The following KCNN3 variants were observed in gnomAD, a reference collection of about 807,000 sequenced individuals.
KCNN3 encodes small conductance calcium-activated potassium channel protein 3.
Under a neutral mutation model 62.9 loss-of-function variants are expected in KCNN3, and 16 were observed. The observed-to-expected ratio is 0.25, with a 90% CI of 0.17 to 0.39. The LOEUF (loss-of-function observed/expected upper bound fraction) is 0.39, where lower values mean the gene tolerates loss of function less well. KCNN3 is among the 10% of genes least tolerant of loss of function. The pLI, the probability that KCNN3 is intolerant of heterozygous loss-of-function variation, is 1.00. For missense variants in KCNN3, 599 were observed against 949.4 expected, an observed-to-expected ratio of 0.63 and a Z score of 4.85; for synonymous variants, 370 against 389.2, an observed-to-expected ratio of 0.95 and a Z score of 0.58.
chr1:154,843,716 C>T (rs1201187795), intron 1 of KCNN3, among the ~76,000 whole-genome samples: 1 of 152,206 alleles, frequency 6.6e-6, no homozygotes, highest in Non-Finnish European at 1.5e-5. Context: ...GGGGAGTTCT[C>T]TCCCGGAGAC....
Position 154,816,821 on chromosome 1 carries a change from T to C in KCNN3, c.1029+5268A>G, listed in dbSNP as rs80353249. ...AAATCTGATCATCTCTGTCCCCAGC[T>C]TGAAACCTTCTCATAGTTTCTGCTG... is the stretch of plus-strand genomic sequence containing the variant. On this transcript the variant is annotated intron_variant, in intron 2 of 7. Coordinates refer to ENST00000271915, the MANE Select transcript of KCNN3 (RefSeq NM_002249.6). Among the ~76,000 whole-genome samples the C allele has an allele frequency of 2.6e-5, 4 of 152,350 alleles. No individual in the cohort carries two copies. The East Asian group carries it at 7.7e-4, about 29-fold the overall frequency.
intron 3 of KCNN3, among the ~76,000 whole-genome samples, chr1:154,752,916 C>T (rs748934746): frequency 3.9e-5 from 6 of 152,164 alleles, no homozygotes; most frequent in South Asian, 2.1e-4. Context: ...GACTAGGCTC[C>T]GAGCACCCGG....
At chr1:154,859,842 T>C (rs1652692269) in intron 1 of KCNN3, 3 of 1,604,814 alleles carry the variant, frequency 1.9e-6, no homozygotes, top group African/African-American at 2.7e-5. Context: ...CTGACTTTCC[T>C]GTTAATTTGA....
intron 2 of KCNN3, among the ~76,000 whole-genome samples, chr1:154,795,852 G>A (rs891947416): frequency 6.6e-6 from 1 of 152,218 alleles, no homozygotes; most frequent in Non-Finnish European, 1.5e-5. Flanking sequence ...AGGTTGACTG[G>A]CACAGTGTTC....
chr1:154,840,325 C>T (rs1442100551), intron 1 of KCNN3, among the ~76,000 whole-genome samples: 3 of 152,094 alleles, frequency 2.0e-5, no homozygotes, highest in African/African-American at 4.8e-5. Flanking sequence ...AAATAGAAAT[C>T]AAAGCATTTG....
At chr1:154,826,759 T>C (rs1323504820) in intron 1 of KCNN3, among the ~76,000 whole-genome samples, 5 of 152,242 alleles carry the variant, frequency 3.3e-5, no homozygotes, top group Admixed American at 2.0e-4. Context: ...AGGCCAGAAC[T>C]GTAATGATTA....
rs1648610671 is a variant in KCNN3, at chr1:154,772,599, T to C, written c.1030-206A>G. Among the ~76,000 whole-genome samples the C allele has an allele frequency of 6.6e-6, 1 of 152,238 alleles. No homozygotes were observed. The highest frequency in any genetic ancestry group is 1.5e-5 in the Non-Finnish European group (1 of 68,034). On this transcript the variant is annotated intron_variant, in intron 2 of 7. Coordinates refer to ENST00000271915, the MANE Select transcript of KCNN3 (RefSeq NM_002249.6). The surrounding 1 kb of genome is among the most constrained non-coding windows in gnomAD (Gnocchi z 5.6). ...TGGATTCAGTCTACCTGGGAAGCCC[T>C]GGCTAAGACACTTTGACTCTCTTGG...
At chr1:154,726,087 G>T in intron 4 of KCNN3, 61 bp from the exon 5 acceptor site, 1 of 1,298,364 alleles carries the variant, frequency 7.7e-7, no homozygotes, top group Non-Finnish European at 1.1e-6. Flanking sequence ...GGCAAGATGA[G>T]AGACTCAACA....
chr1:154,828,125 AGAG>A (rs1362760774), intron 1 of KCNN3, among the ~76,000 whole-genome samples: 7 of 152,146 alleles, frequency 4.6e-5, no homozygotes, highest in African/African-American at 1.7e-4. Context: ...GCTCTGGAAC[AGAG>A]GCCCAGGGTG....
chr1:154,846,003 G>A (rs1652040095), intron 1 of KCNN3, among the ~76,000 whole-genome samples: 2 of 152,232 alleles, frequency 1.3e-5, no homozygotes, highest in African/African-American at 4.8e-5. Context: ...GTCCCCTTTG[G>A]AAGATGGCAA....
chr1:154,814,460 G>A (rs1327020540), intron 2 of KCNN3, among the ~76,000 whole-genome samples: 1 of 152,162 alleles, frequency 6.6e-6, no homozygotes, highest in East Asian at 1.9e-4. Flanking sequence ...ACAAGTAAGA[G>A]CCGCTGCTAT....
At position 154,830,854 on chromosome 1, in the gene KCNN3, A is replaced by T. The variant is rs532206561; in HGVS notation, c.934-8670T>A. 6.0e-4 allele frequency among the ~76,000 whole-genome samples: 92 copies of T among 152,326 alleles called. 1 individual carries two copies. The highest frequency in any genetic ancestry group is 2.1e-3 in the African/African-American group (89 of 41,576). ...TGTGTGATGTCCCAAGGAAGGCAGA[A>T]AAAGGTCATTTAGGAGACCACGCTC... is the stretch of plus-strand genomic sequence containing the variant. On this transcript the variant is annotated intron_variant, in intron 1 of 7. Transcript: ENST00000271915.
intron 1 of KCNN3, among the ~76,000 whole-genome samples, chr1:154,831,869 C>T (rs1045562455): frequency 1.3e-5 from 2 of 152,052 alleles, no homozygotes; most frequent in South Asian, 2.1e-4. Flanking sequence ...ACAAGTGAGC[C>T]TCTCCCTGGG....
intron 3 of KCNN3, among the ~76,000 whole-genome samples, chr1:154,750,797 C>T (rs570590780): frequency 3.9e-4 from 60 of 152,246 alleles, no homozygotes; most frequent in Middle Eastern, 3.4e-3. Flanking sequence ...CGTGGCTGTG[C>T]TCGGGGTCTC....
intron 1 of KCNN3, among the ~76,000 whole-genome samples, chr1:154,834,682 C>T (rs1180417420): frequency 2.0e-5 from 3 of 152,180 alleles, no homozygotes; most frequent in Non-Finnish European, 4.4e-5. Context: ...TCTACCCATC[C>T]ATCTTCATAT....
intron 2 of KCNN3, among the ~76,000 whole-genome samples, chr1:154,816,239 C>G (rs1650658240): frequency 1.3e-5 from 2 of 152,096 alleles, no homozygotes; most frequent in Admixed American, 1.3e-4. Context: ...CATCTGAGAC[C>G]AACGCTAGAT....
chr1:154,773,164 C>A (rs1648643743), intron 2 of KCNN3, among the ~76,000 whole-genome samples: 1 of 152,062 alleles, frequency 6.6e-6, no homozygotes, highest in Admixed American at 6.5e-5. Flanking sequence ...CTCTCCCTCC[C>A]ACTCTCCACC....
At chr1:154,786,037 A>C (rs527896191) in intron 2 of KCNN3, among the ~76,000 whole-genome samples, 4 of 152,322 alleles carry the variant, frequency 2.6e-5, no homozygotes, top group Admixed American at 6.5e-5. Flanking sequence ...TCATCTATTA[A>C]GTTTCCATTC....
At chr1:154,863,541 C>T (rs1227443010) in intron 1 of KCNN3, among the ~76,000 whole-genome samples, 2 of 152,176 alleles carry the variant, frequency 1.3e-5, no homozygotes, top group Non-Finnish European at 2.9e-5. Flanking sequence ...CCCAAATGTG[C>T]TTCACAAATA....
Sources: allele counts gnomAD v4.1 joint callset (sites outside exome capture counted in the v4.1 genomes callset), GRCh38; gene constraint gnomAD v4.1.1; non-coding constraint Gnocchi (gnomAD v3.1); transcripts MANE v1.5; gene names NCBI Gene and HGNC (gene_info 2026-07-23, HGNC 2026-07-21).